The following CUL5 variants were observed in gnomAD, a reference collection of about 807,000 sequenced individuals.
CUL5 encodes cullin 5.
Under a neutral mutation model 108.8 loss-of-function variants are expected in CUL5, and 26 were observed. That is an observed-to-expected ratio of 0.24 (90% CI 0.18 to 0.33). The LOEUF (loss-of-function observed/expected upper bound fraction) is 0.33. Among genes scored for constraint, CUL5 ranks in the 10% least tolerant of loss-of-function variants. CUL5 has a pLI of 1.00. For missense variants in CUL5, 524 were observed against 909.2 expected (o/e 0.58, Z 5.45); for synonymous variants, 334 against 298.0 (o/e 1.12, Z -1.25).
At chr11:108,072,551 G>A in intron 9 of CUL5, 89 bp downstream of exon 9, 1 of 1,152,520 alleles carries the variant, frequency 8.7e-7, no homozygotes, top group Admixed American at 2.2e-5. Flanking sequence ...GGTTACCAGA[G>A]GCTGGGGGTT....
intron 11 of CUL5, among the ~76,000 whole-genome samples, chr11:108,081,771 T>A (rs1169091435): frequency 6.6e-6 from 1 of 152,088 alleles, no homozygotes; most frequent in Non-Finnish European, 1.5e-5. Context: ...ATCAGTTGGC[T>A]ATGATGTATG....
intron 2 of CUL5, among the ~76,000 whole-genome samples, chr11:108,036,587 T>C (rs1424960316): frequency 6.6e-6 from 1 of 152,150 alleles, no homozygotes; most frequent in Non-Finnish European, 1.5e-5. Flanking sequence ...CAAGTGATAC[T>C]CCTGCCTTGC....
intron 7 of CUL5, 76 bp from the exon 8 acceptor site, chr11:108,070,020 G>T: frequency 9.0e-6 from 8 of 892,190 alleles, no homozygotes; most frequent in African/African-American, 3.3e-5. Flanking sequence ...GAACAATATT[G>T]TTTTATTTTG....
chr11:108,104,152 G>T (rs372523778), intron 18 of CUL5, 38 bp from the exon 19 acceptor site: 2 of 1,337,806 alleles, frequency 1.5e-6, no homozygotes, highest in South Asian at 1.3e-5. Context: ...AAATAATTTC[G>T]TATATTAATG....
chr11:108,094,930 C>CA lies in CUL5; in HGVS notation c.1694dup (p.Asn565LysfsTer3). Reference sequence around the variant, plus strand: ...TGATACCGGAAGTAGAAGAATTCTACAAAAAAAATCATAGTGGTAGAAAAT... The same window carrying CA: ...TGATACCGGAAGTAGAAGAATTCTACAAAAAAAAATCATAGTGGTAGAAAAT... On this transcript the variant is annotated frameshift_variant, in exon 15 of 19. Transcript: ENST00000393094. LOFTEE classifies it high-confidence loss of function. 5.0e-6 allele frequency: 8 copies of CA among 1,610,854 alleles called. No individual in the cohort carries two copies. The highest frequency in any genetic ancestry group is 4.4e-5 in the South Asian group (4 of 90,720).
chr11:108,095,364 T>G (rs554739890), intron 15 of CUL5, among the ~76,000 whole-genome samples, 166 bp from the exon 16 acceptor site: 1 of 152,354 alleles, frequency 6.6e-6, no homozygotes, highest in Admixed American at 6.5e-5. Flanking sequence ...AGCTGGGAGA[T>G]GAGCGTGTAT....
intron 10 of CUL5, among the ~76,000 whole-genome samples, chr11:108,077,103 G>A (rs1863958823): frequency 6.6e-6 from 1 of 152,166 alleles, no homozygotes; most frequent in Non-Finnish European, 1.5e-5. Flanking sequence ...AGTAATGATT[G>A]GAGATAGAAA....
At chr11:108,063,689 G>A (rs1170077814) in intron 7 of CUL5, among the ~76,000 whole-genome samples, 3 of 150,602 alleles carry the variant, frequency 2.0e-5, no homozygotes, top group African/African-American at 4.9e-5. Context: ...TGCAGTAAAC[G>A]TGGAAGTGCA....
intron 18 of CUL5, among the ~76,000 whole-genome samples, chr11:108,102,497 GT>G (rs1011257502): frequency 8.6e-5 from 13 of 151,942 alleles, no homozygotes; most frequent in African/African-American, 3.1e-4. Context: ...CAGCTAATTT[GT>G]TTTTGTATAT....
In CUL5 at chr11:108,013,741, G is replaced by A. The variant is rs200353945; in HGVS notation, c.24+4369G>A. On this transcript the variant is annotated intron_variant, in intron 1 of 18. Coordinates refer to ENST00000393094, the MANE Select transcript of CUL5 (RefSeq NM_003478.6). ...GTGGACTTTTTTTTATCCTTTAAGA[G>A]GAAAGAAAATGGAAATGTAAAGCAG... Among the ~76,000 whole-genome samples the A allele has an allele frequency of 5.3e-5, 8 of 152,054 alleles. No homozygotes were observed. The East Asian group carries it at 1.4e-3, about 26-fold the overall frequency.
intron 11 of CUL5, among the ~76,000 whole-genome samples, chr11:108,083,250 C>A (rs951679290): frequency 2.0e-5 from 3 of 152,152 alleles, no homozygotes; most frequent in African/African-American, 7.2e-5. Context: ...CCTCACTATG[C>A]TGAATAGCAG....
chr11:108,039,107 G>A (rs1862822880), intron 2 of CUL5, among the ~76,000 whole-genome samples: 1 of 151,500 alleles, frequency 6.6e-6, no homozygotes, highest in African/African-American at 2.4e-5. Context: ...TGCAACCTCT[G>A]CCTCCCAGGT....
In CUL5 at chr11:108,105,704, C is replaced by T. The variant is rs1033228943; in HGVS notation, c.*1320C>T. On this transcript the variant is annotated 3_prime_UTR_variant, in exon 19 of 19. Coordinates refer to ENST00000393094, the MANE Select transcript of CUL5 (RefSeq NM_003478.6). ...CAACTTGAAAGAGAAAATTGATTCC[C>T]CTTGAGGAAAGAATGGCTCAACGTG... The T allele has an allele frequency of 6.6e-6, 1 of 151,982 alleles. No individual in the cohort carries two copies. The highest frequency in any genetic ancestry group is 2.4e-5 in the African/African-American group (1 of 41,376). The allele number at this position is 151,982 out of a possible 1,614,324, so 9.4% of individuals were successfully genotyped here. A position where few individuals can be genotyped will look rare whatever the true frequency, so the allele number is the denominator to read the frequency against.
intron 11 of CUL5, among the ~76,000 whole-genome samples, chr11:108,082,907 A>G (rs1015037709): frequency 6.6e-6 from 1 of 152,172 alleles, no homozygotes; most frequent in Admixed American, 6.5e-5. Context: ...AATTACAGGC[A>G]TGAGCTACCA....
intron 18 of CUL5, among the ~76,000 whole-genome samples, chr11:108,101,367 T>C (rs1864660370): frequency 1.3e-5 from 2 of 152,222 alleles, no homozygotes. Context: ...CTTTGGGAAT[T>C]TGGCTTTCTG....
chr11:108,094,731 T>A (rs1591333061), intron 14 of CUL5, 81 bp from the exon 15 acceptor site: 3 of 1,163,778 alleles, frequency 2.6e-6, no homozygotes, highest in East Asian at 4.9e-5. Context: ...TTATTGATTT[T>A]TCACCCAAAG....
At chr11:108,014,007 C>T (rs1168920433) in intron 1 of CUL5, among the ~76,000 whole-genome samples, 1 of 152,180 alleles carries the variant, frequency 6.6e-6, no homozygotes, top group Admixed American at 6.5e-5. Context: ...AATGTCCATG[C>T]TCTTTGGGAA....
chr11:108,034,454 G>A (rs1448715428), intron 2 of CUL5, among the ~76,000 whole-genome samples: 1 of 152,172 alleles, frequency 6.6e-6, no homozygotes, highest in Non-Finnish European at 1.5e-5. Context: ...GTAGGAAACT[G>A]TTGACCATTC....
intron 1 of CUL5, among the ~76,000 whole-genome samples, chr11:108,021,691 G>T (rs1862329991): frequency 6.6e-6 from 1 of 151,804 alleles, no homozygotes; most frequent in Non-Finnish European, 1.5e-5. Context: ...ATTTTATTTT[G>T]TTTTTGTAGA....
Sources: allele counts gnomAD v4.1 joint callset (sites outside exome capture counted in the v4.1 genomes callset), GRCh38; gene constraint gnomAD v4.1.1; transcripts MANE v1.5; gene names NCBI Gene and HGNC (gene_info 2026-07-23, HGNC 2026-07-21).